The following PPP6C variants were observed in gnomAD, a reference collection of about 807,000 sequenced individuals.
The protein encoded by PPP6C is serine/threonine-protein phosphatase 6 catalytic subunit.
In PPP6C, 11 loss-of-function variants were observed where a neutral mutation model predicts 39.8. The ratio of observed to expected loss-of-function variants is 0.28; its 90% confidence interval spans 0.17 to 0.46. The LOEUF (loss-of-function observed/expected upper bound fraction) is 0.46. Among genes scored for constraint, PPP6C ranks in the 20% least tolerant of loss-of-function variants. The probability of loss-of-function intolerance (pLI) is 1.00; values close to 1 mark genes in which losing one functional copy is unlikely to be tolerated. For missense variants in PPP6C, 211 were observed against 373.9 expected, an observed-to-expected ratio of 0.56 and a Z score of 3.59; for synonymous variants, 129 against 130.3, an observed-to-expected ratio of 0.99 and a Z score of 0.07.
Position 125,146,822 on chromosome 9 carries a change from T to C in PPP6C, c.*2851A>G, listed in dbSNP as rs1835823950. On this transcript the variant is annotated 3_prime_UTR_variant, in exon 7 of 7. Transcript: ENST00000373547. The stretch of plus-strand genomic sequence containing the variant: ...CTTCGACTCCAGATACACAATTTCC[T>C]GGAAGCTGATGGAAAGTGATTCTAT... The C allele has an allele frequency of 6.6e-6, 1 of 152,206 alleles. No individual in the cohort carries two copies. The highest frequency in any genetic ancestry group is 1.5e-5 in the Non-Finnish European group (1 of 68,036). The allele number at this position is 152,206 out of a possible 1,614,324, so 9.4% of individuals were successfully genotyped here.
chr9:125,182,445 T>C (rs920288417), intron 1 of PPP6C, among the ~76,000 whole-genome samples: 1 of 152,138 alleles, frequency 6.6e-6, no homozygotes, highest in African/African-American at 2.4e-5. Flanking sequence ...AGCTCAAGAC[T>C]AGCTTGGGCA....
intron 2 of PPP6C, among the ~76,000 whole-genome samples, chr9:125,163,345 G>A (rs1454275563): frequency 1.3e-5 from 2 of 152,188 alleles, no homozygotes; most frequent in Non-Finnish European, 2.9e-5. Flanking sequence ...ACATTAAAAA[G>A]TTTTGTAAGT....
chr9:125,162,188 G>C (rs1490735224), intron 2 of PPP6C, among the ~76,000 whole-genome samples: 1 of 151,672 alleles, frequency 6.6e-6, no homozygotes, highest in Non-Finnish European at 1.5e-5. Flanking sequence ...GGAACTTTGG[G>C]AGCTCACGCC....
chr9:125,150,473 AGT>A (rs140185523), intron 6 of PPP6C, among the ~76,000 whole-genome samples: 2 of 151,220 alleles, frequency 1.3e-5, no homozygotes, highest in Non-Finnish European at 3.0e-5. Flanking sequence ...GAAAGTTCAA[AGT>A]GTGTGTGTGT....
rs141175864 is a variant in PPP6C, at chr9:125,186,504, G to A, written c.75+3140C>T. ...CTCATGCCTGTTATCCCAGCATTTTGGGAAGCCAAGGTGGGAGGATCGCTT... is the reference window on the plus strand; with the variant it reads ...CTCATGCCTGTTATCCCAGCATTTTAGGAAGCCAAGGTGGGAGGATCGCTT... On this transcript the variant is annotated intron_variant, in intron 1 of 6. Transcript: ENST00000373547. 2.1e-4 allele frequency among the ~76,000 whole-genome samples: 32 copies of A among 152,088 alleles called. 1 individual carries two copies. The East Asian group carries it at 6.0e-3, about 28-fold the overall frequency.
chr9:125,189,639 C>G lies in PPP6C; in HGVS notation c.75+5G>C. 2 of 1,613,062 alleles carry G rather than the reference C, an allele frequency of 1.2e-6. No individual in the cohort carries two copies. The highest frequency in any genetic ancestry group is 1.7e-6 in the Non-Finnish European group (2 of 1,179,670). On this transcript the variant is annotated splice_donor_5th_base_variant and intron_variant, in intron 1 of 6. Coordinates refer to ENST00000373547, the MANE Select transcript of PPP6C (RefSeq NM_002721.5). Reference sequence around the variant, plus strand: ...GGAAGGGGCGAGCCCGCAAATAGGGCTCACCTTCAGGTCGTTCTCTGGCAG... The same window carrying G: ...GGAAGGGGCGAGCCCGCAAATAGGGGTCACCTTCAGGTCGTTCTCTGGCAG...
intron 2 of PPP6C, among the ~76,000 whole-genome samples, chr9:125,164,710 T>G (rs1416916826): frequency 6.6e-6 from 1 of 152,184 alleles, no homozygotes; most frequent in Non-Finnish European, 1.5e-5. Flanking sequence ...TAGCTGGAAC[T>G]ACATATATGT....
chr9:125,171,465 A>ACG (rs1475132599), intron 1 of PPP6C, among the ~76,000 whole-genome samples: 5 of 26,884 alleles, frequency 1.9e-4, no homozygotes, highest in Non-Finnish European at 3.2e-4. Context: ...ACATATACAC[A>ACG]CACACACACA....
intron 1 of PPP6C, among the ~76,000 whole-genome samples, chr9:125,174,057 C>CTA (rs1364668490): frequency 6.6e-6 from 1 of 152,194 alleles, no homozygotes; most frequent in Non-Finnish European, 1.5e-5. Flanking sequence ...TACATCCCTG[C>CTA]TATATACAGG....
At position 125,158,157 on chromosome 9, in the gene PPP6C, A is replaced by T. The variant is rs185119301; in HGVS notation, c.379+84T>A. The stretch of plus-strand genomic sequence containing the variant: ...GGATGTGGGGAAAATAATATACATA[A>T]AGCATGTGTATGACTTGTGTAGCTT... On this transcript the variant is annotated intron_variant, in intron 4 of 6. Transcript: ENST00000373547. 8.1e-4 allele frequency: 1,073 copies of T among 1,328,866 alleles called. 2 individuals are homozygous for T. The highest frequency in any genetic ancestry group is 1.0e-3 in the Non-Finnish European group (983 of 955,054). 82.3% of individuals were successfully genotyped at this position (1,328,866 alleles called of 1,614,324 possible).
Position 125,189,662 on chromosome 9 carries a change from C to T in PPP6C, c.57G>A (p.Leu19=). 1 of 1,612,966 alleles carries T rather than the reference C, an allele frequency of 6.2e-7. No individual in the cohort carries two copies. The highest frequency in any genetic ancestry group is 1.1e-5 in the South Asian group (1 of 91,080). The change falls in exon 1 of 7, where the codon CTG becomes CTA. Residue 19 remains leucine (L), a synonymous_variant. Transcript: ENST00000373547. ...YVEIARLCKY[L]PENDLKRLCD... is the part of the protein sequence containing the mutation. ...GGCTCACCTTCAGGTCGTTCTCTGG[C>T]AGGTACTTGCACAGCCGCGCTATTT...
intron 1 of PPP6C, among the ~76,000 whole-genome samples, chr9:125,177,180 C>G (rs1315253936): frequency 6.6e-6 from 1 of 151,926 alleles, no homozygotes. Context: ...TGAGACCATC[C>G]TGGCTAACAC....
chr9:125,169,241 A>T (rs7020431), intron 2 of PPP6C, among the ~76,000 whole-genome samples: 1 of 152,220 alleles, frequency 6.6e-6, no homozygotes, highest in Non-Finnish European at 1.5e-5. Context: ...TGTCTACAAA[A>T]TAATCCTATC....
intron 2 of PPP6C, among the ~76,000 whole-genome samples, chr9:125,164,849 C>T (rs1828978218): frequency 6.6e-6 from 1 of 152,182 alleles, no homozygotes; most frequent in Non-Finnish European, 1.5e-5. Context: ...CGTCATTCTC[C>T]TGCCTCAGCC....
intron 1 of PPP6C, among the ~76,000 whole-genome samples, chr9:125,176,299 T>C (rs1215945543): frequency 6.6e-6 from 1 of 152,110 alleles, no homozygotes; most frequent in East Asian, 1.9e-4. Flanking sequence ...TTCTACTGAG[T>C]GTAACGGGAA....
intron 6 of PPP6C, 60 bp from the exon 7 acceptor site, chr9:125,149,981 T>A: frequency 6.4e-7 from 1 of 1,554,092 alleles, no homozygotes; most frequent in Non-Finnish European, 8.7e-7. Context: ...GCCTACATAA[T>A]CATTTAAATA....
chr9:125,158,018 G>A (rs1836123399), intron 4 of PPP6C, among the ~76,000 whole-genome samples: 1 of 151,978 alleles, frequency 6.6e-6, no homozygotes, highest in African/African-American at 2.4e-5. Context: ...GAGAACCCAG[G>A]TGATTCCAGC....
At chr9:125,185,939 CA>C (rs1829521289) in intron 1 of PPP6C, among the ~76,000 whole-genome samples, 1 of 151,998 alleles carries the variant, frequency 6.6e-6, no homozygotes, top group African/African-American at 2.4e-5. Context: ...GAGCCAAGCT[CA>C]CGCCATTGCA....
intron 1 of PPP6C, among the ~76,000 whole-genome samples, chr9:125,173,548 A>G (rs1476516140): frequency 6.7e-6 from 1 of 150,096 alleles, no homozygotes; most frequent in Non-Finnish European, 1.5e-5. Context: ...ACTGCACTCC[A>G]GCTTGGGAAA....
Sources: gnomAD v4.1 joint callset for allele counts (sites outside exome capture counted in the v4.1 genomes callset) on GRCh38, gnomAD v4.1.1 for gene constraint, MANE v1.5 for transcripts, NCBI Gene and HGNC (gene_info 2026-07-23, HGNC 2026-07-21) for gene names.